The following GNAS variants were observed in gnomAD, a reference collection of about 807,000 sequenced individuals.
GNAS encodes the protein protein ALEX.
Under a neutral mutation model 54.5 loss-of-function variants are expected in GNAS, and 8 were observed. That is an observed-to-expected ratio of 0.15 (90% CI 0.09 to 0.26). The LOEUF is 0.26. GNAS is among the 10% of genes least tolerant of loss of function. GNAS has a pLI of 1.00. For missense variants in GNAS, 170 were observed against 529.8 expected (o/e 0.32, Z 6.67); for synonymous variants, 204 against 191.4 (o/e 1.07, Z -0.54).
At chr20:58,889,484 C>T, upstream of GNAS, 1 of 320,982 alleles carries the variant, frequency 3.1e-6, no homozygotes, top group Non-Finnish European at 4.5e-6. Context: ...CCGGGCACCC[C>T]CCAATTCTCT....
chr20:58,860,089 CACGTGTCGAGTAGTCTGCT>C (rs2086706429), intron 1 of GNAS, among the ~76,000 whole-genome samples: 1 of 152,210 alleles, frequency 6.6e-6, no homozygotes, highest in Admixed American at 6.5e-5. Flanking sequence ...TGCCAAATGA[CACGTGTCGAGTAGTCTGCT>C]ACTTTCTGAA....
rs1488179350 is a variant in GNAS, at chr20:58,910,432, T to C, written c.1038+31T>C. 3.3e-6 allele frequency: 5 copies of C among 1,502,092 alleles called. No homozygotes were observed. The highest frequency in any genetic ancestry group is 4.6e-6 in the Non-Finnish European group (5 of 1,077,970). 93.0% of individuals were successfully genotyped at this position (1,502,092 alleles called of 1,614,324 possible). On this transcript the variant is annotated intron_variant, in intron 12 of 12. Transcript: ENST00000371085. This position sits in a 1 kb window ranked among gnomAD's most constrained non-coding sequence, Gnocchi z 5.8. ...TCGAGCCTGTCTTTAGTTTCCTCTC[T>C]TGTTCCTCCTCTTTTTCTCATGGAT...
upstream of GNAS, among the ~76,000 whole-genome samples, chr20:58,889,782 C>G (rs1022473950): frequency 9.3e-5 from 14 of 151,112 alleles, no homozygotes; most frequent in African/African-American, 3.4e-4. Flanking sequence ...GCCAAGCCCC[C>G]CGACACGGGG....
At chr20:58,862,250 C>T (rs531154831) in intron 1 of GNAS, among the ~76,000 whole-genome samples, 12 of 152,052 alleles carry the variant, frequency 7.9e-5, no homozygotes, top group African/African-American at 1.7e-4. Flanking sequence ...CTCTGCCTCC[C>T]GGGTTCAAGT....
At chr20:58,902,568 C>T (rs933862191) in intron 3 of GNAS, among the ~76,000 whole-genome samples, 1 of 151,898 alleles carries the variant, frequency 6.6e-6, no homozygotes, top group Non-Finnish European at 1.5e-5. Flanking sequence ...CTCTACTTAC[C>T]AGAGGGATCT....
intron 3 of GNAS, among the ~76,000 whole-genome samples, chr20:58,901,877 C>T (rs972115857): frequency 2.2e-5 from 3 of 135,706 alleles, no homozygotes; most frequent in African/African-American, 8.1e-5. Context: ...CTGCCCTGCC[C>T]TGCTCGTCTG....
In GNAS at chr20:58,841,863, C is replaced by T; in HGVS notation, c.43+977C>T. The stretch of plus-strand genomic sequence containing the variant: ...GACCTCTGGAGGCCCTCGAGATCGT[C>T]GCAAGTGGAAAGGTAAAGCGGAACA... On this transcript the variant is annotated intron_variant, in intron 1 of 12. Transcript: ENST00000306090. This position sits in a 1 kb window ranked among gnomAD's most constrained non-coding sequence, Gnocchi z 5.0. 2 of 1,231,174 alleles carry T rather than the reference C, an allele frequency of 1.6e-6. No individual in the cohort carries two copies. The highest frequency in any genetic ancestry group is 8.4e-5 in the South Asian group (2 of 23,698). The allele number at this position is 1,231,174 out of a possible 1,614,324, so 76.3% of individuals were successfully genotyped here.
intron 3 of GNAS, among the ~76,000 whole-genome samples, chr20:58,902,202 C>T (rs1250788702): frequency 6.6e-6 from 1 of 152,158 alleles, no homozygotes; most frequent in South Asian, 2.1e-4. Flanking sequence ...GCCCTCACCT[C>T]CCAGGGCCTA....
chr20:58,858,323 T>A (rs1468814336), intron 1 of GNAS, among the ~76,000 whole-genome samples: 3 of 152,240 alleles, frequency 2.0e-5, no homozygotes, highest in Non-Finnish European at 4.4e-5. Flanking sequence ...TTTCTGTTTT[T>A]ATTGCCGGGA....
In GNAS at chr20:58,895,951, C is replaced by T. The variant is rs147568770; in HGVS notation, c.212+267C>T. On this transcript the variant is annotated intron_variant, in intron 2 of 12. Transcript: ENST00000371085. Reference sequence around the variant, plus strand: ...ATCCCAAGAAAATCGTGCCTGGTTGCAGGGGACGCTTGACAGCACTTGGCC... The same window carrying T: ...ATCCCAAGAAAATCGTGCCTGGTTGTAGGGGACGCTTGACAGCACTTGGCC... 2.7e-3 allele frequency among the ~76,000 whole-genome samples: 410 copies of T among 152,186 alleles called. 5 individuals carry two copies. Among genetic ancestry groups the T allele is most frequent in the African/African-American group, 9.4e-3 (392 of 41,514 alleles).
chr20:58,875,280 C>G (rs1385757005), intron 1 of GNAS, among the ~76,000 whole-genome samples: 1 of 152,120 alleles, frequency 6.6e-6, no homozygotes, highest in African/African-American at 2.4e-5. Context: ...TGATTTGGCC[C>G]CAGGCCTCCT....
intron 1 of GNAS, chr20:58,855,277 A>G: frequency 6.3e-7 from 1 of 1,586,266 alleles, no homozygotes; most frequent in Non-Finnish European, 8.6e-7. Flanking sequence ...CTCATCGACA[A>G]ACAACTCCAG....
At position 58,856,028 on chromosome 20, in the gene GNAS, C is replaced by T. The variant is rs73306258; in HGVS notation, c.43+15142C>T. Reference sequence around the variant, plus strand: ...TGCGGAGGACACGCGGGGAAGGTGGCGGGGCCTCCCGGGAAATAAGCGGGG... The same window carrying T: ...TGCGGAGGACACGCGGGGAAGGTGGTGGGGCCTCCCGGGAAATAAGCGGGG... On this transcript the variant is annotated intron_variant, in intron 1 of 12. Coordinates refer to the GNAS transcript ENST00000306090. The surrounding 1 kb of genome is among the most constrained non-coding windows in gnomAD (Gnocchi z 4.2). The T allele has an allele frequency of 5.7e-4, 116 of 202,348 alleles. No homozygotes were observed. Among genetic ancestry groups the T allele is most frequent in the African/African-American group, 2.5e-3 (106 of 43,158 alleles). 12.5% of individuals were successfully genotyped at this position (202,348 alleles called of 1,614,324 possible). A position where few individuals can be genotyped will look rare whatever the true frequency, so the allele number is the denominator to read the frequency against.
At chr20:58,900,216 T>C (rs2090482299) in intron 3 of GNAS, 1 of 540,786 alleles carries the variant, frequency 1.8e-6, no homozygotes, top group Non-Finnish European at 3.3e-6. Flanking sequence ...TAATTGACAA[T>C]CTGCTGTACC....
At chr20:58,854,930 C>A (rs1411259913) in intron 1 of GNAS, 1 of 1,602,000 alleles carries the variant, frequency 6.2e-7, no homozygotes, top group South Asian at 1.1e-5. Flanking sequence ...GGGGCAAGTC[C>A]GAGAGCAGCC....
intron 3 of GNAS, 94 bp from the exon 4 acceptor site, chr20:58,903,437 T>C: frequency 9.7e-7 from 1 of 1,030,918 alleles, no homozygotes; most frequent in South Asian, 1.3e-5. Flanking sequence ...AAGAACAGAA[T>C]ACTATGCTTT....
At chr20:58,859,346 G>A (rs776904399) in intron 1 of GNAS, among the ~76,000 whole-genome samples, 7 of 152,060 alleles carry the variant, frequency 4.6e-5, no homozygotes, top group Non-Finnish European at 8.8e-5. Flanking sequence ...GATTACAAGC[G>A]TGTGCCACCA....
chr20:58,899,389 C>G (rs2090382288), intron 3 of GNAS: 1 of 520,494 alleles, frequency 1.9e-6, no homozygotes, highest in Admixed American at 2.3e-5. Flanking sequence ...AATTTCAGAC[C>G]TCTTTGAAAC....
chr20:58,843,035 G>C (rs2085797199), intron 1 of GNAS, among the ~76,000 whole-genome samples: 1 of 152,166 alleles, frequency 6.6e-6, no homozygotes, highest in African/African-American at 2.4e-5. Context: ...TTCCTGAACT[G>C]TAAGCAATGT....
Sources: allele counts gnomAD v4.1 joint callset (sites outside exome capture counted in the v4.1 genomes callset), GRCh38; gene constraint gnomAD v4.1.1; non-coding constraint Gnocchi (gnomAD v3.1); transcripts MANE v1.5; gene names NCBI Gene and HGNC (gene_info 2026-07-23, HGNC 2026-07-21).